ECM2: variants seen among roughly 807,000 people sequenced by gnomAD.
ECM2 encodes extracellular matrix protein 2, female organ and adipocyte specific.
In ECM2, 57 loss-of-function variants were observed where a neutral mutation model predicts 67.5. The ratio of observed to expected loss-of-function variants is 0.84; its 90% CI spans 0.68 to 1.05. The LOEUF is 1.05. ECM2 is among the 50% of genes least tolerant of loss of function. The pLI is 0.00. For missense variants in ECM2, 741 were observed against 822.8 expected, an observed-to-expected ratio of 0.90 and a Z score of 1.22; for synonymous variants, 258 against 294.5, an observed-to-expected ratio of 0.88 and a Z score of 1.27.
downstream of ECM2, chr9:92,494,106 C>G (rs776219619): frequency 8.8e-6 from 14 of 1,597,842 alleles, no homozygotes; most frequent in Non-Finnish European, 8.5e-7. Flanking sequence ...AAGGCCACAT[C>G]TGATCTGTTT....
chr9:92,496,051 G>A lies in ECM2; in HGVS notation c.*264C>T. ...TTCCAGACTCTTCTGGTCTAGCTCA[G>A]TATGCATAATATCCTATTCTAGTGA... On this transcript the variant is annotated 3_prime_UTR_variant, in exon 10 of 10. Transcript: ENST00000344604. 9.4e-7 allele frequency: 1 copy of A among 1,063,858 alleles called. No individual in the cohort carries two copies. Among genetic ancestry groups the A allele is most frequent in the Non-Finnish European group, 1.1e-6 (1 of 882,908 alleles). The allele number at this position is 1,063,858 out of a possible 1,614,324, so 65.9% of individuals were successfully genotyped here.
intron 8 of ECM2, among the ~76,000 whole-genome samples, chr9:92,501,680 T>A (rs1846686161): frequency 6.6e-6 from 1 of 152,202 alleles, no homozygotes; most frequent in Non-Finnish European, 1.5e-5. Flanking sequence ...TTTCACCTGA[T>A]GAAGACTTCT....
chr9:92,554,571 T>C, the ECM2 span, among the ~76,000 whole-genome samples: 1 of 152,218 alleles, frequency 6.6e-6, no homozygotes, highest in African/African-American at 2.4e-5. Context: ...GAAACCCACT[T>C]GATCATGGTG....
intron 9 of ECM2, 22 bp from the exon 10 acceptor site, chr9:92,496,505 A>T (rs1204480964): frequency 1.2e-6 from 2 of 1,603,158 alleles, no homozygotes; most frequent in African/African-American, 1.3e-5. Context: ...TAGACATGCA[A>T]GTCACACATG....
intron 6 of ECM2, among the ~76,000 whole-genome samples, chr9:92,509,006 G>T (rs951109954): frequency 6.6e-6 from 1 of 151,890 alleles, no homozygotes; most frequent in Non-Finnish European, 1.5e-5. Flanking sequence ...AAAGGCATTA[G>T]CTAGAATTCA....
Position 92,515,127 on chromosome 9 carries a change from T to C in ECM2, c.558A>G (p.Glu186=), listed in dbSNP as rs1338097595. 6.2e-7 allele frequency: 1 copy of C among 1,613,016 alleles called. No homozygotes were observed. Among genetic ancestry groups the C allele is most frequent in the Non-Finnish European group, 8.5e-7 (1 of 1,179,814 alleles). ...GTTGCTTATGAAGTAAATTGGTAGG[T>C]TCTCTTTGTTCTGAAGAATCACCAG... ...EFSGDSSEQR[E]PTNLLHKQLP... Residue 186 remains glutamate, a synonymous_variant, in exon 4 of 10, where the codon GAA becomes GAG. Transcript: ENST00000344604.
chr9:92,537,128 G>A (rs1849200334), upstream of ECM2, among the ~76,000 whole-genome samples: 3 of 151,534 alleles, frequency 2.0e-5, no homozygotes, highest in Middle Eastern at 6.8e-3. Flanking sequence ...CACCCACCTC[G>A]GCCTTCCAAA....
At chr9:92,517,640 T>C (rs1847809270) in intron 3 of ECM2, 47 bp downstream of exon 3, 1 of 1,606,368 alleles carries the variant, frequency 6.2e-7, no homozygotes, top group South Asian at 1.1e-5. Flanking sequence ...AAATGGAAGT[T>C]AAAGATTAAT....
At chr9:92,509,840 C>T (rs765997025) in intron 6 of ECM2, 59 bp downstream of exon 6, 46 of 1,494,690 alleles carry the variant, frequency 3.1e-5, no homozygotes, top group Non-Finnish European at 3.8e-5. Context: ...AAAATTTCTA[C>T]AGGACTATAT....
intron 1 of ECM2, among the ~76,000 whole-genome samples, chr9:92,535,658 AAATT>A (rs1288064414): frequency 6.6e-6 from 1 of 152,184 alleles, no homozygotes; most frequent in African/African-American, 2.4e-5. Flanking sequence ...TAGGACTTAA[AAATT>A]AATAATATTT....
At chr9:92,534,951 C>T (rs1369444654) in intron 1 of ECM2, among the ~76,000 whole-genome samples, 1 of 152,150 alleles carries the variant, frequency 6.6e-6, no homozygotes, top group Non-Finnish European at 1.5e-5. Flanking sequence ...TCTCAGGCAT[C>T]CTGCTGTCCT....
chr9:92,516,332 G>A (rs1282364006), intron 3 of ECM2, among the ~76,000 whole-genome samples: 7 of 152,098 alleles, frequency 4.6e-5, no homozygotes, highest in Admixed American at 3.9e-4. Context: ...CAAAGTGCTG[G>A]GATTACAGGT....
chr9:92,500,620 C>T (rs1846613312), intron 9 of ECM2, 107 bp downstream of exon 9: 2 of 1,157,192 alleles, frequency 1.7e-6, no homozygotes, highest in African/African-American at 1.6e-5. Flanking sequence ...CCCTTAGCAC[C>T]ATTTTTTTTT....
intron 1 of ECM2, 134 bp downstream of exon 1, chr9:92,535,799 C>T (rs1849134216): frequency 3.4e-6 from 1 of 296,838 alleles, no homozygotes; most frequent in African/African-American, 2.3e-5. Context: ...CAGAATAATG[C>T]ATACTTTGAA....
intron 7 of ECM2, among the ~76,000 whole-genome samples, chr9:92,504,598 C>T (rs1414370308): frequency 3.9e-5 from 6 of 152,040 alleles, no homozygotes; most frequent in Non-Finnish European, 4.4e-5. Context: ...TGTAGTGGTA[C>T]GATCCTAGCT....
At chr9:92,514,080 A>T (rs917235606) in intron 4 of ECM2, among the ~76,000 whole-genome samples, 2 of 151,636 alleles carry the variant, frequency 1.3e-5, no homozygotes, top group Non-Finnish European at 1.5e-5. Flanking sequence ...AATTTTTAGG[A>T]TGAAATTAAA....
the ECM2 span, among the ~76,000 whole-genome samples, chr9:92,552,165 TATGTGATATGATAGATCTATCATATAC>T: frequency 7.6e-6 from 1 of 130,788 alleles, no homozygotes; most frequent in African/African-American, 3.2e-5. Flanking sequence ...CTATCATATA[TATGTGATATGATAGATCTATCATATAC>T]ACACACACAC....
chr9:92,510,290 C>T (rs1847257015), intron 5 of ECM2, among the ~76,000 whole-genome samples: 1 of 152,168 alleles, frequency 6.6e-6, no homozygotes, highest in Non-Finnish European at 1.5e-5. Context: ...TATATTGCAG[C>T]TTTAGAAAGT....
At chr9:92,534,480 A>G (rs1849048153) in intron 1 of ECM2, among the ~76,000 whole-genome samples, 2 of 152,184 alleles carry the variant, frequency 1.3e-5, no homozygotes. Flanking sequence ...CAGCGTATAT[A>G]TACATTAATT....
Sources: gnomAD v4.1 joint callset for allele counts (sites outside exome capture counted in the v4.1 genomes callset) on GRCh38, gnomAD v4.1.1 for gene constraint, MANE v1.5 for transcripts, NCBI Gene and HGNC (gene_info 2026-07-23, HGNC 2026-07-21) for gene names.